Variants in PIKFYVE observed in about 807,000 individuals in gnomAD.
The protein encoded by PIKFYVE is 1-phosphatidylinositol 3-phosphate 5-kinase.
A neutral mutation model predicts 257.9 loss-of-function variants in PIKFYVE; 122 were observed. The ratio of observed to expected loss-of-function variants is 0.47; its 90% CI spans 0.41 to 0.55. The LOEUF (loss-of-function observed/expected upper bound fraction) is 0.55, where lower values mean the gene tolerates loss of function less well. PIKFYVE is among the 20% of genes least tolerant of loss of function. PIKFYVE has a pLI of 0.00. For missense variants in PIKFYVE, 2,160 were observed against 2,536.6 expected (o/e 0.85, Z 3.19); for synonymous variants, 892 against 868.9 (o/e 1.03, Z -0.47).
rs762683152 is a variant in PIKFYVE, at chr2:208,330,516, G to T, written c.3792-7G>T. ...TAATGTGAGAAGGGCTCTTTTGTTT[G>T]TCAAAGGCCTTCTTATCAGTGTCCA... On this transcript the variant is annotated splice_polypyrimidine_tract_variant and splice_region_variant and intron_variant, in intron 22 of 41. Coordinates refer to ENST00000264380, the MANE Select transcript of PIKFYVE (RefSeq NM_015040.4). 11 of 1,613,874 alleles carry T rather than the reference G, an allele frequency of 6.8e-6. No homozygotes were observed. Among genetic ancestry groups the T allele is most frequent in the Non-Finnish European group, 9.3e-6 (11 of 1,179,940 alleles).
At chr2:208,354,718 A>G (rs1700052169) in intron 41 of PIKFYVE, 73 bp downstream of exon 41, 2 of 1,201,228 alleles carry the variant, frequency 1.7e-6, no homozygotes, top group Non-Finnish European at 1.2e-6. Context: ...GTGGATACTG[A>G]TTCTTTTTTT....
At chr2:208,312,213 T>C (rs1401186213) in intron 12 of PIKFYVE, 23 bp from the exon 13 acceptor site, 1 of 1,584,100 alleles carries the variant, frequency 6.3e-7, no homozygotes, top group South Asian at 1.1e-5. Context: ...GTTCCTCCTC[T>C]CTGTTGTCTC....
rs1287249892 is a variant in PIKFYVE, at chr2:208,355,392, A to G, written c.*87A>G. 4 of 1,059,730 alleles carry G rather than the reference A, an allele frequency of 3.8e-6. No homozygotes were observed. Among genetic ancestry groups the G allele is most frequent in the Non-Finnish European group, 1.4e-6 (1 of 697,684 alleles). The allele number at this position is 1,059,730 out of a possible 1,614,324, so 65.6% of individuals were successfully genotyped here. ...AATAAGCTACATGTTTTATTTCTTC[A>G]TCGTGTTCACCACTGTATGCCAAGG... On this transcript the variant is annotated 3_prime_UTR_variant, in exon 42 of 42. Transcript: ENST00000264380.
At chr2:208,352,833 C>A (rs753676869) in intron 39 of PIKFYVE, 51 bp downstream of exon 39, 1 of 1,593,182 alleles carries the variant, frequency 6.3e-7, no homozygotes, top group African/African-American at 1.3e-5. Context: ...CCTTTTGTAC[C>A]TTTGGTTCTT....
intron 12 of PIKFYVE, among the ~76,000 whole-genome samples, chr2:208,306,609 A>C (rs1299504479): frequency 6.6e-6 from 1 of 152,206 alleles, no homozygotes; most frequent in African/African-American, 2.4e-5. Flanking sequence ...TCAGATACTT[A>C]CTTTTGAAAA....
chr2:208,305,406 A>G (rs1316407246), intron 12 of PIKFYVE: 1 of 1,083,800 alleles, frequency 9.2e-7, no homozygotes, highest in Non-Finnish European at 1.1e-6. Context: ...ACCCAGTAAC[A>G]TAATATTTCA....
At chr2:208,321,618 C>T (rs1696244596) in intron 17 of PIKFYVE, among the ~76,000 whole-genome samples, 1 of 135,384 alleles carries the variant, frequency 7.4e-6, no homozygotes, top group South Asian at 2.2e-4. Flanking sequence ...GCTCTTGTCC[C>T]CCAGGCTGGA....
chr2:208,289,820 G>A (rs1198548618), intron 7 of PIKFYVE, among the ~76,000 whole-genome samples: 2 of 152,008 alleles, frequency 1.3e-5, no homozygotes, highest in Non-Finnish European at 2.9e-5. Flanking sequence ...TTCCCACCTC[G>A]GACTCCTAAA....
At chr2:208,304,734 T>C (rs1166847518) in intron 11 of PIKFYVE, 112 bp from the exon 12 acceptor site, 5 of 1,016,672 alleles carry the variant, frequency 4.9e-6, no homozygotes, top group Middle Eastern at 2.0e-4. Flanking sequence ...GTATTGCACA[T>C]TGGGCTTGTA....
At chr2:208,346,203 GA>G in intron 34 of PIKFYVE, 56 bp downstream of exon 34, 1 of 1,389,184 alleles carries the variant, frequency 7.2e-7, no homozygotes, top group Non-Finnish European at 1.0e-6. Flanking sequence ...ATTATGGTTT[GA>G]AAAAGAAAAT....
intron 17 of PIKFYVE, 94 bp from the exon 18 acceptor site, chr2:208,324,048 C>T: frequency 7.2e-7 from 1 of 1,387,772 alleles, no homozygotes; most frequent in East Asian, 2.3e-5. Context: ...AATTTTCTCC[C>T]ATTCTGTAGG....
rs373055267 is a variant in PIKFYVE at position 208,312,484 on chromosome 2, G to A, written c.1696+189G>A. On this transcript the variant is annotated intron_variant, in intron 13 of 41. Coordinates refer to ENST00000264380, the MANE Select transcript of PIKFYVE (RefSeq NM_015040.4). The stretch of plus-strand genomic sequence containing the variant: ...GTTGAGAACCAAGAATGTAAACTTG[G>A]ACTTGGTTTGCGAGAAGGAGGTCTC... Among the ~76,000 whole-genome samples, 186 of 152,232 alleles carry A rather than the reference G, an allele frequency of 1.2e-3. 1 individual carries two copies. Among genetic ancestry groups the A allele is most frequent in the African/African-American group, 4.3e-3 (178 of 41,568 alleles).
At chr2:208,354,441 ACTT>A in intron 40 of PIKFYVE, 127 bp from the exon 41 acceptor site, 1 of 932,968 alleles carries the variant, frequency 1.1e-6, no homozygotes, top group Non-Finnish European at 1.7e-6. Context: ...TGAGAACAGC[ACTT>A]GGCACATTGT....
At chr2:208,316,071 T>A (rs1240204582) in intron 15 of PIKFYVE, among the ~76,000 whole-genome samples, 86 of 122,950 alleles carry the variant, frequency 7.0e-4, no homozygotes, top group African/African-American at 2.6e-3. Context: ...TTCCCCTTCC[T>A]GTGTCCATGT....
intron 15 of PIKFYVE, among the ~76,000 whole-genome samples, 195 bp from the exon 16 acceptor site, chr2:208,317,672 A>G (rs78470927): frequency 0.02 from 3,101 of 152,272 alleles, 115 homozygotes; most frequent in African/African-American, 0.069. Context: ...ATTAGAGAAC[A>G]GGGGATGGGA....
At chr2:208,345,019 C>A in intron 32 of PIKFYVE, 92 bp from the exon 33 acceptor site, 1 of 886,302 alleles carries the variant, frequency 1.1e-6, no homozygotes. Context: ...AATGATTGTG[C>A]TTCTATAATG....
In PIKFYVE at chr2:208,275,160, G is replaced by A. The variant is rs551229685; in HGVS notation, c.322+1427G>A. Among the ~76,000 whole-genome samples the A allele has an allele frequency of 7.2e-5, 11 of 152,290 alleles. No individual in the cohort carries two copies. In the South Asian group the frequency reaches 1.2e-3, roughly 17 times the overall value. ...TAATTCTATAATTTACTAGCTTTCC[G>A]ACCTTAGGAAAGTTATTTAATTTTC... On this transcript the variant is annotated intron_variant, in intron 3 of 41. Coordinates refer to ENST00000264380, the MANE Select transcript of PIKFYVE (RefSeq NM_015040.4).
In PIKFYVE at chr2:208,299,351, G is replaced by C. The variant is rs146043708; in HGVS notation, c.1050+572G>C. On this transcript the variant is annotated intron_variant, in intron 8 of 41. Transcript: ENST00000264380. ...TGTCACCAGGCTGGAGTGCAGTGGC[G>C]CAATCTCGGCTCACTGCAACCTCCG... 2.7e-3 allele frequency among the ~76,000 whole-genome samples: 403 copies of C among 151,858 alleles called. 1 individual carries two copies. The highest frequency in any genetic ancestry group is 8.8e-3 in the African/African-American group (365 of 41,424).
At chr2:208,293,082 CT>C (rs60283252) in intron 7 of PIKFYVE, among the ~76,000 whole-genome samples, 12 of 137,584 alleles carry the variant, frequency 8.7e-5, no homozygotes, top group African/African-American at 1.1e-4. Flanking sequence ...GAGTTACATT[CT>C]TTTTTTTTTT....
Sources: gnomAD v4.1 joint callset for allele counts (sites outside exome capture counted in the v4.1 genomes callset) on GRCh38, gnomAD v4.1.1 for gene constraint, MANE v1.5 for transcripts, NCBI Gene and HGNC (gene_info 2026-07-23, HGNC 2026-07-21) for gene names.